LYRM9: variants seen among roughly 807,000 people sequenced by gnomAD.
LYRM9 encodes LYR motif containing 9.
In LYRM9, 14 loss-of-function variants were observed where a neutral mutation model predicts 12.6. The ratio of observed to expected loss-of-function variants is 1.11; its 90% CI spans 0.73 to 1.73. The LOEUF (loss-of-function observed/expected upper bound fraction) is 1.73. Ranked by LOEUF, LYRM9 falls within the 40% of genes most tolerant of loss-of-function variation. The pLI is 0.00. For synonymous variants in LYRM9, 42 were observed against 35.1 expected (o/e 1.20, Z -0.69); for missense variants, 94 against 95.0 (o/e 0.99, Z 0.04).
At chr17:27,882,172 C>T (rs552242310) in intron 2 of LYRM9, among the ~76,000 whole-genome samples, 233 of 152,226 alleles carry the variant, frequency 1.5e-3, no homozygotes, top group Non-Finnish European at 2.2e-3. Context: ...TTGTGTTTCA[C>T]GACACTGACA....
intron 1 of LYRM9, among the ~76,000 whole-genome samples, chr17:27,885,337 C>T (rs1905198666): frequency 1.3e-5 from 2 of 152,172 alleles, no homozygotes; most frequent in Admixed American, 1.3e-4. Context: ...AGTGAAGCCA[C>T]CTTGCCTCCT....
chr17:27,887,435 G>A (rs961307497), intron 1 of LYRM9, among the ~76,000 whole-genome samples: 2 of 152,184 alleles, frequency 1.3e-5, no homozygotes, highest in Non-Finnish European at 2.9e-5. Flanking sequence ...AATCATGAGG[G>A]TCCTGAAGTG....
intron 1 of LYRM9, chr17:27,892,671 C>G: frequency 3.3e-6 from 1 of 305,608 alleles, no homozygotes; most frequent in Non-Finnish European, 6.5e-6. Context: ...GGGGGAGTGA[C>G]AGCTAAAGGA....
chr17:27,883,446 T>G (rs1032730376), intron 1 of LYRM9: 1 of 157,258 alleles, frequency 6.4e-6, no homozygotes, highest in Admixed American at 6.4e-5. Flanking sequence ...GGTCAGGAGT[T>G]TGAGACCAGC....
At chr17:27,882,758 G>A (rs1286355719) in intron 1 of LYRM9, 46 bp from the exon 2 acceptor site, 1 of 1,519,558 alleles carries the variant, frequency 6.6e-7, no homozygotes, top group South Asian at 1.3e-5. Flanking sequence ...GCCAAGTTCA[G>A]TACTCAGCCC....
intron 1 of LYRM9, among the ~76,000 whole-genome samples, chr17:27,890,657 C>T (rs1008792754): frequency 1.3e-5 from 2 of 152,026 alleles, no homozygotes; most frequent in African/African-American, 4.8e-5. Context: ...CCGATATAGG[C>T]ACCTAAAAAT....
At chr17:27,884,490 C>T (rs1266375618) in intron 1 of LYRM9, among the ~76,000 whole-genome samples, 3 of 152,252 alleles carry the variant, frequency 2.0e-5, no homozygotes, top group Admixed American at 1.3e-4. Context: ...GGACTCCTTC[C>T]CATCTTCTCC....
At chr17:27,882,275 C>CA (rs750761187) in intron 2 of LYRM9, among the ~76,000 whole-genome samples, 1 of 152,192 alleles carries the variant, frequency 6.6e-6, no homozygotes, top group Admixed American at 6.5e-5. Context: ...TCAAGTTGTG[C>CA]ACTGTTGGCA....
intron 1 of LYRM9, among the ~76,000 whole-genome samples, chr17:27,888,836 A>AT (rs1265078683): frequency 6.6e-6 from 1 of 152,054 alleles, no homozygotes; most frequent in African/African-American, 2.4e-5. Flanking sequence ...CAAGTCCCCC[A>AT]TTTTCGCTCT....
chr17:27,879,710 A>T, intron 3 of LYRM9: 1 of 559,660 alleles, frequency 1.8e-6, no homozygotes. Flanking sequence ...AGGGCTGGGG[A>T]GGGAGGATAG....
chr17:27,886,917 A>T lies in LYRM9; in HGVS notation c.-18-4205T>A, dbSNP rs560280219. On this transcript the variant is annotated intron_variant, in intron 1 of 3. Transcript: ENST00000379102. The surrounding 1 kb of genome is among the most constrained non-coding windows in gnomAD (Gnocchi z 4.8). Reference sequence around the variant, plus strand: ...CACCTTGGCCTCCCAAAGTGCTAGGATTACAGGCGTGAGCCACCACACCCG... The same window carrying T: ...CACCTTGGCCTCCCAAAGTGCTAGGTTTACAGGCGTGAGCCACCACACCCG... Among the ~76,000 whole-genome samples the T allele has an allele frequency of 4.5e-3, 682 of 150,768 alleles. 2 individuals are homozygous for T. The highest frequency in any genetic ancestry group is 7.0e-3 in the Admixed American group (106 of 15,176).
In LYRM9 at chr17:27,882,790, C is replaced by G. The variant is rs976395466; in HGVS notation, c.-18-78G>C. 1.9e-5 allele frequency: 27 copies of G among 1,449,004 alleles called. No homozygotes were observed. The Middle Eastern group carries it at 5.6e-4, about 30-fold the overall frequency. 89.8% of individuals were successfully genotyped at this position (1,449,004 alleles called of 1,614,324 possible). On this transcript the variant is annotated intron_variant, in intron 1 of 3. Coordinates refer to ENST00000379102, the MANE Select transcript of LYRM9 (RefSeq NM_001076680.3). Reference sequence around the variant, plus strand: ...GCCCTGACCCCCAGTTCCCAGTACTCTGGGAAGCAAGCTTGGTGCAGTGCA... The same window carrying G: ...GCCCTGACCCCCAGTTCCCAGTACTGTGGGAAGCAAGCTTGGTGCAGTGCA...
intron 1 of LYRM9, among the ~76,000 whole-genome samples, chr17:27,885,593 C>T (rs1166254624): frequency 6.6e-6 from 1 of 151,334 alleles, no homozygotes; most frequent in Non-Finnish European, 1.5e-5. Context: ...GCCTGTAGTC[C>T]CAGCTACTCA....
chr17:27,885,053 AG>A (rs1174846703), intron 1 of LYRM9, among the ~76,000 whole-genome samples: 24 of 152,216 alleles, frequency 1.6e-4, no homozygotes, highest in African/African-American at 5.5e-4. Context: ...TGGAGTGGAT[AG>A]GTGGTTGTCT....
At chr17:27,890,374 C>A (rs1471076097) in intron 1 of LYRM9, among the ~76,000 whole-genome samples, 4 of 152,178 alleles carry the variant, frequency 2.6e-5, no homozygotes, top group Admixed American at 2.6e-4. Flanking sequence ...TCTGCAGCTT[C>A]CCCCTGCATA....
intron 3 of LYRM9, chr17:27,879,862 T>C: frequency 1.7e-6 from 1 of 572,408 alleles, no homozygotes; most frequent in East Asian, 2.9e-5. Flanking sequence ...CACCAAAACA[T>C]ACTGAATGTT....
intron 2 of LYRM9, chr17:27,880,746 T>C (rs1905023533): frequency 4.0e-6 from 1 of 250,102 alleles, no homozygotes; most frequent in Middle Eastern, 1.5e-3. Context: ...GATCTCTGCA[T>C]AGGCTTTACA....
intron 1 of LYRM9, among the ~76,000 whole-genome samples, chr17:27,883,849 A>AAAAAC: frequency 7.1e-6 from 1 of 139,906 alleles, no homozygotes; most frequent in Non-Finnish European, 1.5e-5. Context: ...AAAAAAAAAA[A>AAAAAC]AAAAAAAAAA....
rs1904968122 is a variant in LYRM9 at position 27,879,596 on chromosome 17, G to T, written c.220-106C>A. 4 of 1,281,856 alleles carry T rather than the reference G, an allele frequency of 3.1e-6. No homozygotes were observed. The African/African-American group carries it at 6.1e-5, about 19-fold the overall frequency. 79.4% of individuals were successfully genotyped at this position (1,281,856 alleles called of 1,614,324 possible). ...ATCTGGACCTCACCTGCCTCCTGCA[G>T]GGGCTTCTTGGAGGTGGTGAAACCC... is the stretch of plus-strand genomic sequence containing the variant. On this transcript the variant is annotated intron_variant, in intron 3 of 3. Coordinates refer to ENST00000379102, the MANE Select transcript of LYRM9 (RefSeq NM_001076680.3).
Sources: allele counts gnomAD v4.1 joint callset (sites outside exome capture counted in the v4.1 genomes callset), GRCh38; gene constraint gnomAD v4.1.1; non-coding constraint Gnocchi (gnomAD v3.1); transcripts MANE v1.5; gene names NCBI Gene and HGNC (gene_info 2026-07-23, HGNC 2026-07-21).